LSAMP: variants seen among roughly 807,000 people sequenced by gnomAD.
LSAMP encodes limbic system associated membrane protein.
Under a neutral mutation model 38.6 loss-of-function variants are expected in LSAMP, and 7 were observed. That is an observed-to-expected ratio of 0.18 (90% CI 0.10 to 0.34). The LOEUF (loss-of-function observed/expected upper bound fraction) is 0.34. Ranked by LOEUF, LSAMP falls within the 10% of genes least tolerant of loss-of-function variation. LSAMP has a pLI of 1.00. For missense variants in LSAMP, 313 were observed against 420.0 expected, an observed-to-expected ratio of 0.75 and a Z score of 2.23; for synonymous variants, 154 against 166.8, an observed-to-expected ratio of 0.92 and a Z score of 0.59.
At chr3:116,377,611 G>A (rs2048510460) in intron 1 of LSAMP, among the ~76,000 whole-genome samples, 2 of 151,990 alleles carry the variant, frequency 1.3e-5, no homozygotes, top group South Asian at 2.1e-4. Flanking sequence ...TTGGATTGCT[G>A]GGTTAAATGG....
At chr3:116,070,039 A>G (rs183114134) in intron 2 of LSAMP, among the ~76,000 whole-genome samples, 2 of 152,326 alleles carry the variant, frequency 1.3e-5, no homozygotes, top group Non-Finnish European at 2.9e-5. Context: ...AAGTTGACAC[A>G]ATCTGTGAAA....
At chr3:116,316,370 T>C (rs1458563913) in intron 1 of LSAMP, among the ~76,000 whole-genome samples, 1 of 152,196 alleles carries the variant, frequency 6.6e-6, no homozygotes, top group Admixed American at 6.5e-5. Flanking sequence ...GTACCCTCCA[T>C]GTCTAGCAAA....
rs1056620648 is a variant in LSAMP at position 116,282,859 on chromosome 3, G to A, written c.155+162018C>T. 3.9e-5 allele frequency among the ~76,000 whole-genome samples: 6 copies of A among 151,956 alleles called. No individual in the cohort carries two copies. In the East Asian group the frequency reaches 1.2e-3, roughly 29 times the overall value. ...TTTCTGCTAGGCAAGACAAACCTGA[G>A]GCAAATTCATGAAACTGCTGTGCTC... On this transcript the variant is annotated intron_variant, in intron 1 of 6. Transcript: ENST00000490035.
intron 2 of LSAMP, among the ~76,000 whole-genome samples, chr3:116,020,645 C>G (rs1940612410): frequency 6.6e-6 from 1 of 152,176 alleles, no homozygotes; most frequent in Non-Finnish European, 1.5e-5. Flanking sequence ...GTACTGCCGT[C>G]TGACTTCCTT....
At chr3:116,091,971 C>T (rs953861092) in intron 1 of LSAMP, among the ~76,000 whole-genome samples, 2 of 152,084 alleles carry the variant, frequency 1.3e-5, no homozygotes, top group Non-Finnish European at 2.9e-5. Flanking sequence ...TTTTTATGAC[C>T]TTATCATACT....
At chr3:116,425,814 G>C (rs187315603) in intron 1 of LSAMP, among the ~76,000 whole-genome samples, 1 of 151,572 alleles carries the variant, frequency 6.6e-6, no homozygotes, top group Non-Finnish European at 1.5e-5. Flanking sequence ...AGAGGAGGAT[G>C]GGCTTAAAAA....
chr3:116,129,126 A>G (rs1356694514), intron 1 of LSAMP, among the ~76,000 whole-genome samples: 1 of 152,222 alleles, frequency 6.6e-6, no homozygotes, highest in African/African-American at 2.4e-5. Flanking sequence ...ACGTGAATTC[A>G]TAGGATCTTG....
At chr3:116,030,934 C>T (rs1940904746) in intron 2 of LSAMP, among the ~76,000 whole-genome samples, 1 of 152,028 alleles carries the variant, frequency 6.6e-6, no homozygotes, top group Non-Finnish European at 1.5e-5. Flanking sequence ...CATGACATAT[C>T]CTTAAAAACT....
chr3:116,322,612 A>AT (rs1243485583), intron 1 of LSAMP, among the ~76,000 whole-genome samples: 2 of 151,906 alleles, frequency 1.3e-5, no homozygotes, highest in Non-Finnish European at 2.9e-5. Flanking sequence ...TGGGCAGGCA[A>AT]TTTTTTTTCT....
At chr3:116,067,320 A>G (rs983773501) in intron 2 of LSAMP, among the ~76,000 whole-genome samples, 1 of 152,192 alleles carries the variant, frequency 6.6e-6, no homozygotes, top group Non-Finnish European at 1.5e-5. Flanking sequence ...AAAATGTGGC[A>G]TTACTGGCTA....
rs143617914 is a variant in LSAMP, at chr3:116,151,934, T to C, written c.156-65378A>G. 9.0e-4 allele frequency among the ~76,000 whole-genome samples: 137 copies of C among 152,216 alleles called. No homozygotes were observed. In the East Asian group the frequency reaches 0.021, roughly 23 times the overall value. On this transcript the variant is annotated intron_variant, in intron 1 of 6. Coordinates refer to ENST00000490035, the MANE Select transcript of LSAMP (RefSeq NM_002338.5). ...CAGCCACAATGAGACCAGCAATTAG[T>C]TGGAGAACAAAATAATAAGAATGTA... is the stretch of plus-strand genomic sequence containing the variant.
chr3:116,044,633 A>C (rs1198727070), intron 2 of LSAMP, among the ~76,000 whole-genome samples: 8 of 152,112 alleles, frequency 5.3e-5, no homozygotes, highest in African/African-American at 1.9e-4. Flanking sequence ...AAAAAAAAAA[A>C]AAAACTAATG....
At chr3:116,428,355 G>A (rs1188090301) in intron 1 of LSAMP, among the ~76,000 whole-genome samples, 3 of 152,138 alleles carry the variant, frequency 2.0e-5, no homozygotes, top group Non-Finnish European at 2.9e-5. Context: ...CTACTCAGGA[G>A]GCTGAGGCAG....
intron 2 of LSAMP, among the ~76,000 whole-genome samples, chr3:116,045,640 T>C (rs1941274724): frequency 6.6e-6 from 1 of 151,770 alleles, no homozygotes; most frequent in Non-Finnish European, 1.5e-5. Context: ...CCCTGTTTTA[T>C]AAAAAGTGAG....
intron 1 of LSAMP, among the ~76,000 whole-genome samples, chr3:116,263,038 C>T (rs573220977): frequency 6.6e-6 from 1 of 152,318 alleles, no homozygotes; most frequent in African/African-American, 2.4e-5. Context: ...ACTCTACCTA[C>T]TTTCCCTGGG....
intron 1 of LSAMP, among the ~76,000 whole-genome samples, chr3:116,157,182 A>C (rs1223890919): frequency 1.3e-5 from 2 of 152,130 alleles, no homozygotes; most frequent in Non-Finnish European, 2.9e-5. Flanking sequence ...CTAGATGATC[A>C]TTCTGTGATT....
chr3:116,098,877 C>CAAG (rs1323923237), intron 1 of LSAMP, among the ~76,000 whole-genome samples: 1 of 152,144 alleles, frequency 6.6e-6, no homozygotes, highest in African/African-American at 2.4e-5. Context: ...GGAATAAAAG[C>CAAG]AAGAGCTGAT....
chr3:115,984,231 A>G (rs943924862), intron 3 of LSAMP, among the ~76,000 whole-genome samples: 1 of 151,942 alleles, frequency 6.6e-6, no homozygotes, highest in South Asian at 2.1e-4. Context: ...AAGAAAAAAA[A>G]AATCAGGAGT....
At chr3:116,201,909 G>C (rs1435613485) in intron 1 of LSAMP, among the ~76,000 whole-genome samples, 1 of 152,102 alleles carries the variant, frequency 6.6e-6, no homozygotes, top group African/African-American at 2.4e-5. Flanking sequence ...AACACCAGTA[G>C]TGTTTTCCAT....
Sources: gnomAD v4.1 joint callset for allele counts (sites outside exome capture counted in the v4.1 genomes callset) on GRCh38, gnomAD v4.1.1 for gene constraint, MANE v1.5 for transcripts, NCBI Gene and HGNC (gene_info 2026-07-23, HGNC 2026-07-21) for gene names.